The following OVCH1 variants were observed in gnomAD, a reference collection of about 807,000 sequenced individuals.
OVCH1 encodes ovochymase 1, also known as ovochymase-1.
In OVCH1, 139 loss-of-function variants were observed where a neutral mutation model predicts 138.4. The observed-to-expected ratio is 1.00, with a 90% CI of 0.87 to 1.16. The LOEUF is 1.16. OVCH1 is among the 50% of genes most tolerant of loss of function. The pLI is 0.00. For synonymous variants in OVCH1, 453 were observed against 467.8 expected (o/e 0.97, Z 0.41); for missense variants, 1,367 against 1,357.9 (o/e 1.01, Z -0.11).
chr12:29,433,770 A>G (rs372445782), exon 27 of OVCH1: 10 of 1,426,066 alleles, frequency 7.0e-6, no homozygotes, highest in African/African-American at 2.9e-5. Flanking sequence ...ATTTGATGCA[A>G]ATTTCTTCTG....
the OVCH1 span, among the ~76,000 whole-genome samples, chr12:29,406,438 C>T: frequency 6.6e-6 from 1 of 152,128 alleles, no homozygotes; most frequent in Non-Finnish European, 1.5e-5. Flanking sequence ...TTAGGTATAT[C>T]TCCCAATGCT....
intron 4 of OVCH1, among the ~76,000 whole-genome samples, chr12:29,491,865 C>A (rs771769748): frequency 6.6e-6 from 1 of 151,968 alleles, no homozygotes; most frequent in Non-Finnish European, 1.5e-5. Flanking sequence ...CAGCAGTAAG[C>A]GAATGTTAGA....
intron 4 of OVCH1, among the ~76,000 whole-genome samples, chr12:29,494,114 CAAGT>C (rs1943347870): frequency 6.6e-6 from 1 of 152,136 alleles, no homozygotes; most frequent in South Asian, 2.1e-4. Flanking sequence ...AAGGTTGAGA[CAAGT>C]AAGTGTCCTT....
intron 21 of OVCH1, 24 bp from the exon 22 acceptor site, chr12:29,451,593 C>G: frequency 6.4e-7 from 1 of 1,563,696 alleles, no homozygotes; most frequent in Non-Finnish European, 8.7e-7. Context: ...CACACAGACA[C>G]CAGGGACCAA....
rs527447723 is a variant in OVCH1, at chr12:29,468,407, A to G, written c.1857-3188T>C. Reference sequence around the variant, plus strand: ...CATTTACAGCTGTTTATTAATTTCAATTGATTCATCAAGTGGAATATCTAT... The same window carrying G: ...CATTTACAGCTGTTTATTAATTTCAGTTGATTCATCAAGTGGAATATCTAT... On this transcript the variant is annotated intron_variant, in intron 16 of 27. Transcript: ENST00000318184. Among the ~76,000 whole-genome samples the G allele has an allele frequency of 2.0e-4, 30 of 152,322 alleles. 1 individual carries two copies. The highest frequency in any genetic ancestry group is 7.0e-4 in the African/African-American group (29 of 41,580).
At chr12:29,478,213 G>C (rs981402349) in intron 9 of OVCH1, among the ~76,000 whole-genome samples, 3 of 152,118 alleles carry the variant, frequency 2.0e-5, no homozygotes, top group Non-Finnish European at 4.4e-5. Context: ...TAAATTGAAT[G>C]ACATGAAATG....
At chr12:29,476,752 C>CGCGT (rs1942735141) in intron 12 of OVCH1, among the ~76,000 whole-genome samples, 1 of 8,572 alleles carries the variant, frequency 1.2e-4, no homozygotes, top group African/African-American at 1.4e-4. Flanking sequence ...AGTACACACG[C>CGCGT]GCGCACACAC....
intron 16 of OVCH1, among the ~76,000 whole-genome samples, chr12:29,470,234 A>C (rs2136002090): frequency 6.6e-6 from 1 of 152,232 alleles, no homozygotes; most frequent in South Asian, 2.1e-4. Flanking sequence ...TTTTTTAAAA[A>C]TTTTAAGTTC....
At position 29,451,099 on chromosome 12, in the gene OVCH1, G is replaced by A. The variant is rs141511766; in HGVS notation, c.2755+246C>T. On this transcript the variant is annotated intron_variant, in intron 22 of 27. Coordinates refer to ENST00000318184, the Ensembl canonical transcript of OVCH1. ...GCTTATAGTTGCAGCAAACCACCAC[G>A]GCACGTGTATACCTTTGTAACAAAC... Among the ~76,000 whole-genome samples the A allele has an allele frequency of 4.5e-3, 676 of 151,834 alleles. 8 individuals are homozygous for A. Among genetic ancestry groups the A allele is most frequent in the African/African-American group, 0.016 (646 of 41,382 alleles).
intron 17 of OVCH1, 105 bp downstream of exon 17, chr12:29,465,042 C>A: frequency 1.1e-6 from 1 of 947,464 alleles, no homozygotes; most frequent in Middle Eastern, 2.2e-4. Flanking sequence ...TGTGAAAGGG[C>A]CCTAGGAGAT....
At chr12:29,426,170 C>T (rs1230520026), downstream of OVCH1, 1 of 152,096 alleles carries the variant, frequency 6.6e-6, no homozygotes, top group Non-Finnish European at 1.5e-5. Flanking sequence ...TCTAAATCAC[C>T]ACCTCCTAAG....
chr12:29,428,223 G>A (rs1282993009), intron 27 of OVCH1, among the ~76,000 whole-genome samples: 4 of 152,178 alleles, frequency 2.6e-5, no homozygotes, highest in Admixed American at 2.6e-4. Flanking sequence ...ACCAGTTACA[G>A]TTTTATCCTT....
chr12:29,481,255 C>G (rs1482317715), intron 8 of OVCH1, among the ~76,000 whole-genome samples: 1 of 152,126 alleles, frequency 6.6e-6, no homozygotes, highest in African/African-American at 2.4e-5. Flanking sequence ...ACGCTAAAGA[C>G]AGTGTTTGGT....
intron 3 of OVCH1, among the ~76,000 whole-genome samples, chr12:29,417,958 A>G (rs1030219261): frequency 3.3e-5 from 5 of 152,178 alleles, no homozygotes; most frequent in African/African-American, 1.2e-4. Flanking sequence ...AAGACAGCAA[A>G]AGGGAGGTGA....
chr12:29,445,453 GCA>G, intron 22 of OVCH1, 50 bp from the exon 23 acceptor site: 1 of 1,527,896 alleles, frequency 6.5e-7, no homozygotes, highest in Non-Finnish European at 8.9e-7. Context: ...AAATTTGACA[GCA>G]GTTTCTGTAT....
At chr12:29,425,918 A>G (rs1232496179), downstream of OVCH1, 1 of 152,148 alleles carries the variant, frequency 6.6e-6, no homozygotes, top group Non-Finnish European at 1.5e-5. Flanking sequence ...ACACCCTTCT[A>G]CATCCTGCTC....
At chr12:29,425,412 T>TA (rs1941165033), downstream of OVCH1, among the ~76,000 whole-genome samples, 1 of 152,180 alleles carries the variant, frequency 6.6e-6, no homozygotes, top group Admixed American at 6.6e-5. Context: ...ATCCAAAACA[T>TA]ATAATGCTCG....
intron 27 of OVCH1, chr12:29,427,691 G>T: frequency 1.3e-6 from 2 of 1,540,932 alleles, no homozygotes; most frequent in South Asian, 1.2e-5. Flanking sequence ...CTCAGTCTAT[G>T]GTATTTGTTA....
chr12:29,476,247 G>C (rs1565599864), exon 13 of OVCH1: 1 of 1,613,582 alleles, frequency 6.2e-7, no homozygotes, highest in Non-Finnish European at 8.5e-7. Flanking sequence ...AATCACAACA[G>C]CATCATAAAT....
Sources: gnomAD v4.1 joint callset for allele counts (sites outside exome capture counted in the v4.1 genomes callset) on GRCh38, gnomAD v4.1.1 for gene constraint, MANE v1.5 for transcripts, NCBI Gene and HGNC (gene_info 2026-07-23, HGNC 2026-07-21) for gene names.